Variants in PTCD2 observed in about 807,000 individuals in gnomAD.
PTCD2 encodes the protein pentatricopeptide repeat domain 2.
A neutral mutation model predicts 42.6 loss-of-function variants in PTCD2; 31 were observed. The ratio of observed to expected loss-of-function variants is 0.73; its 90% CI spans 0.55 to 0.98. The LOEUF (loss-of-function observed/expected upper bound fraction) is 0.98, where lower values mean the gene tolerates loss of function less well. Ranked by LOEUF, PTCD2 falls within the 50% of genes least tolerant of loss-of-function variation. The pLI, the probability that PTCD2 is intolerant of heterozygous loss-of-function variation, is 0.00. For missense variants in PTCD2, 476 were observed against 454.8 expected, an observed-to-expected ratio of 1.05 and a Z score of -0.42; for synonymous variants, 183 against 170.9, an observed-to-expected ratio of 1.07 and a Z score of -0.55.
At position 72,364,573 on chromosome 5, in the gene PTCD2, C is replaced by T. The variant is rs1026974353; in HGVS notation, c.*6146C>T. On this transcript the variant is annotated 3_prime_UTR_variant, in exon 10 of 10. Transcript: ENST00000380639. ...CTTATGTAGCATATTATTTATACATCTAATGAGGTCTTAATATTTTTTGAA... is the reference window on the plus strand; with the variant it reads ...CTTATGTAGCATATTATTTATACATTTAATGAGGTCTTAATATTTTTTGAA... The T allele has an allele frequency of 1.3e-5, 2 of 152,182 alleles. No individual in the cohort carries two copies. The highest frequency in any genetic ancestry group is 2.9e-5 in the Non-Finnish European group (2 of 68,044). 9.4% of individuals were successfully genotyped at this position (152,182 alleles called of 1,614,324 possible).
chr5:72,355,731 G>A (rs962500501), intron 9 of PTCD2, among the ~76,000 whole-genome samples: 1 of 152,314 alleles, frequency 6.6e-6, no homozygotes, highest in East Asian at 1.9e-4. Flanking sequence ...GTGAAAAACA[G>A]AAGTGTAAAG....
At chr5:72,322,459 C>T (rs1006116439) in intron 2 of PTCD2, among the ~76,000 whole-genome samples, 195 bp downstream of exon 2, 2 of 152,206 alleles carry the variant, frequency 1.3e-5, no homozygotes, top group African/African-American at 4.8e-5. Flanking sequence ...CTACAGCTCT[C>T]CTCTTATTCC....
At chr5:72,326,553 A>T in intron 2 of PTCD2, 59 bp from the exon 3 acceptor site, 1 of 1,593,598 alleles carries the variant, frequency 6.3e-7, no homozygotes, top group Non-Finnish European at 8.6e-7. Context: ...TCCTGAGGTC[A>T]GACTCCTTAT....
At chr5:72,330,068 G>A (rs1345442839) in intron 3 of PTCD2, among the ~76,000 whole-genome samples, 1 of 151,408 alleles carries the variant, frequency 6.6e-6, no homozygotes, top group African/African-American at 2.4e-5. Context: ...AAGTAGCAGG[G>A]ATTACAGGCG....
chr5:72,344,108 G>A (rs1304099514), intron 8 of PTCD2, among the ~76,000 whole-genome samples: 1 of 152,226 alleles, frequency 6.6e-6, no homozygotes, highest in Admixed American at 6.5e-5. Context: ...CCTTAGGGCG[G>A]GAACCTACTG....
chr5:72,364,080 A>T lies in PTCD2; in HGVS notation c.*5653A>T, dbSNP rs1271573455. On this transcript the variant is annotated 3_prime_UTR_variant, in exon 10 of 10. Coordinates refer to ENST00000380639, the MANE Select transcript of PTCD2 (RefSeq NM_024754.5). ...AAATAAAAGTGAAATGGTATTTTTT[A>T]AAAGGAAGTGGTTCAACTGTATTGC... 1 of 152,244 alleles carries T rather than the reference A, an allele frequency of 6.6e-6. No homozygotes were observed. Among genetic ancestry groups the T allele is most frequent in the Non-Finnish European group, 1.5e-5 (1 of 68,034 alleles). The allele number at this position is 152,244 out of a possible 1,614,324, so 9.4% of individuals were successfully genotyped here. A position where few individuals can be genotyped will look rare whatever the true frequency, so the allele number is the denominator to read the frequency against.
At chr5:72,358,138 G>A (rs1561400283) in intron 9 of PTCD2, 65 bp from the exon 10 acceptor site, 3 of 1,372,848 alleles carry the variant, frequency 2.2e-6, no homozygotes, top group East Asian at 2.4e-5. Context: ...TTTTTCTTAG[G>A]GTTATAGTAA....
rs527675293 is a variant in PTCD2 at position 72,353,518 on chromosome 5, T to G, written c.942+764T>G. Among the ~76,000 whole-genome samples, 13 of 152,318 alleles carry G rather than the reference T, an allele frequency of 8.5e-5. 1 individual carries two copies. In the South Asian group the frequency reaches 2.7e-3, roughly 32 times the overall value. ...TAAAAATATCACTTTGTTTTTTCTG[T>G]AAAGGTTAGTTGAAAGAACAAACAA... On this transcript the variant is annotated intron_variant, in intron 9 of 9. Transcript: ENST00000380639.
rs1753084020 is a variant in PTCD2 at position 72,361,044 on chromosome 5, G to A, written c.*2617G>A. The A allele has an allele frequency of 6.6e-6, 1 of 152,108 alleles. No homozygotes were observed. Among genetic ancestry groups the A allele is most frequent in the African/African-American group, 2.4e-5 (1 of 41,408 alleles). 9.4% of individuals were successfully genotyped at this position (152,108 alleles called of 1,614,324 possible). ...ACAGAACATCTTATTCCTTAACTCT[G>A]TTATGTGCTTTTGTAGATTGTTTTT... is the stretch of plus-strand genomic sequence containing the variant. On this transcript the variant is annotated 3_prime_UTR_variant, in exon 10 of 10. Coordinates refer to ENST00000380639, the MANE Select transcript of PTCD2 (RefSeq NM_024754.5).
chr5:72,368,299 T>C lies in PTCD2; in HGVS notation c.*9872T>C, dbSNP rs1270205982. ...GACAGATAGGCGGAATAGGTCCCCC[T>C]GTCTTTGAGTAGAAGAGTTGGCAAG... On this transcript the variant is annotated 3_prime_UTR_variant, in exon 10 of 10. Coordinates refer to ENST00000380639, the MANE Select transcript of PTCD2 (RefSeq NM_024754.5). The C allele has an allele frequency of 6.6e-6, 1 of 152,220 alleles. No individual in the cohort carries two copies. Among genetic ancestry groups the C allele is most frequent in the Non-Finnish European group, 1.5e-5 (1 of 68,040 alleles). 9.4% of individuals were successfully genotyped at this position (152,220 alleles called of 1,614,324 possible).
rs562168522 is a variant in PTCD2 at position 72,359,735 on chromosome 5, A to G, written c.*1308A>G. 1 of 152,308 alleles carries G rather than the reference A, an allele frequency of 6.6e-6. No homozygotes were observed. Among genetic ancestry groups the G allele is most frequent in the African/African-American group, 2.4e-5 (1 of 41,574 alleles). 9.4% of individuals were successfully genotyped at this position (152,308 alleles called of 1,614,324 possible). ...AATCCCACCTGAGGACAGGATCCGCATATGAGAGTCGCACATTGGTATAAT... is the reference window on the plus strand; with the variant it reads ...AATCCCACCTGAGGACAGGATCCGCGTATGAGAGTCGCACATTGGTATAAT... On this transcript the variant is annotated 3_prime_UTR_variant, in exon 10 of 10. Transcript: ENST00000380639.
rs913644276 is a variant in PTCD2 at position 72,359,335 on chromosome 5, T to C, written c.*908T>C. ...TGCTTCATACTTATGGTCTCAAATA[T>C]AGTATGTGTTGAATTTTACCGTGTC... On this transcript the variant is annotated 3_prime_UTR_variant, in exon 10 of 10. Transcript: ENST00000380639. The C allele has an allele frequency of 1.3e-5, 2 of 152,132 alleles. No homozygotes were observed. The highest frequency in any genetic ancestry group is 2.4e-5 in the African/African-American group (1 of 41,418). The allele number at this position is 152,132 out of a possible 1,614,324, so 9.4% of individuals were successfully genotyped here.
rs1239880904 is a variant in PTCD2 at position 72,358,578 on chromosome 5, G to A, written c.*151G>A. On this transcript the variant is annotated 3_prime_UTR_variant, in exon 10 of 10. Transcript: ENST00000380639. ...CAAATTCACTGAATGGTACCATGCC[G>A]ATCTCTGAGAAGTTATGTTGCACCA... is the stretch of plus-strand genomic sequence containing the variant. 9 of 627,934 alleles carry A rather than the reference G, an allele frequency of 1.4e-5. No homozygotes were observed. In the East Asian group the frequency reaches 1.9e-4, roughly 13 times the overall value. 38.9% of individuals were successfully genotyped at this position (627,934 alleles called of 1,614,324 possible).
chr5:72,349,053 A>C (rs1465970575), intron 8 of PTCD2, among the ~76,000 whole-genome samples: 1 of 152,202 alleles, frequency 6.6e-6, no homozygotes, highest in Non-Finnish European at 1.5e-5. Flanking sequence ...ATAAAAATAA[A>C]ACCTGTACAA....
intron 1 of PTCD2, 42 bp downstream of exon 1, chr5:72,320,551 AGAGAAG>A (rs1750764018): frequency 6.2e-7 from 1 of 1,610,490 alleles, no homozygotes; most frequent in Admixed American, 1.7e-5. Context: ...GAGGGATGGG[AGAGAAG>A]GGAGTGTTAG....
chr5:72,335,176 C>T (rs1580157596), intron 5 of PTCD2, 80 bp downstream of exon 5: 6 of 788,034 alleles, frequency 7.6e-6, no homozygotes, highest in Non-Finnish European at 1.3e-5. Flanking sequence ...ATGAGTCATG[C>T]AAAAATGATT....
In PTCD2 at chr5:72,338,717, G is replaced by A. The variant is rs1257000990; in HGVS notation, c.735G>A (p.Val245=). The change falls in exon 7 of 10, where the codon GTG becomes GTA. Residue 245 remains valine (V), a synonymous_variant. Coordinates refer to ENST00000380639, the MANE Select transcript of PTCD2 (RefSeq NM_024754.5). ...ILSRRASCFA[V]ALALNQNEMA... ...CCAGGAGAGCATCCTGTTTCGCTGT[G>A]GCATTAGCTCTGAATCAGGTAAAGC... is the stretch of plus-strand genomic sequence containing the variant. 10 of 1,606,658 alleles carry A rather than the reference G, an allele frequency of 6.2e-6. No individual in the cohort carries two copies. Among genetic ancestry groups the A allele is most frequent in the Non-Finnish European group, 7.7e-6 (9 of 1,173,492 alleles).
chr5:72,326,865 C>T (rs755423138), intron 3 of PTCD2, 124 bp downstream of exon 3: 41 of 923,682 alleles, frequency 4.4e-5, no homozygotes, highest in African/African-American at 2.2e-4. Context: ...ATCTCTTGTT[C>T]GGATGCCTAC....
intron 8 of PTCD2, among the ~76,000 whole-genome samples, chr5:72,351,798 C>G (rs537046971): frequency 8.5e-5 from 13 of 152,206 alleles, no homozygotes; most frequent in African/African-American, 2.6e-4. Context: ...GATTATCATT[C>G]GAGATGAAAT....
Sources: gnomAD v4.1 joint callset for allele counts (sites outside exome capture counted in the v4.1 genomes callset) on GRCh38, gnomAD v4.1.1 for gene constraint, MANE v1.5 for transcripts, NCBI Gene and HGNC (gene_info 2026-07-23, HGNC 2026-07-21) for gene names.